The following TOP2B variants were observed in gnomAD, a reference collection of about 807,000 sequenced individuals.
The protein encoded by TOP2B is DNA topoisomerase II beta, also known as DNA topoisomerase 2-beta.
A neutral mutation model predicts 193.5 loss-of-function variants in TOP2B; 51 were observed. The ratio of observed to expected loss-of-function variants is 0.26; its 90% CI spans 0.21 to 0.33. The LOEUF (loss-of-function observed/expected upper bound fraction) is 0.33. TOP2B is among the 10% of genes least tolerant of loss of function. The pLI is 1.00. For missense variants in TOP2B, 1,378 were observed against 1,909.3 expected (o/e 0.72, Z 5.19); for synonymous variants, 634 against 635.7 (o/e 1.00, Z 0.04).
intron 6 of TOP2B, among the ~76,000 whole-genome samples, chr3:25,636,457 G>A (rs149919762): frequency 3.6e-4 from 55 of 152,134 alleles, no homozygotes; most frequent in Non-Finnish European, 6.6e-4. Context: ...CATATTATAA[G>A]TAATCTAGAG....
chr3:25,645,511 G>A (rs1268123417), intron 1 of TOP2B, 41 bp from the exon 2 acceptor site: 2 of 1,510,210 alleles, frequency 1.3e-6, no homozygotes, highest in East Asian at 2.3e-5. Context: ...AACCTACCAA[G>A]GGGTAGACAA....
chr3:25,633,435 C>A (rs1703017179), intron 8 of TOP2B, among the ~76,000 whole-genome samples: 1 of 152,122 alleles, frequency 6.6e-6, no homozygotes, highest in Non-Finnish European at 1.5e-5. Flanking sequence ...TATTCACCAA[C>A]CTAGGAGTTC....
intron 35 of TOP2B, among the ~76,000 whole-genome samples, chr3:25,599,148 T>C (rs1702018697): frequency 6.6e-6 from 1 of 152,140 alleles, no homozygotes; most frequent in Non-Finnish European, 1.5e-5. Flanking sequence ...TGAAAAATAA[T>C]ATTTTAGTCT....
intron 1 of TOP2B, among the ~76,000 whole-genome samples, chr3:25,656,141 C>T (rs1024222165): frequency 5.9e-5 from 9 of 151,936 alleles, no homozygotes; most frequent in African/African-American, 2.2e-4. Context: ...GAATGTGTGA[C>T]AATACACTTT....
intron 1 of TOP2B, among the ~76,000 whole-genome samples, chr3:25,650,623 T>C (rs568932856): frequency 6.6e-6 from 1 of 152,342 alleles, no homozygotes; most frequent in African/African-American, 2.4e-5. Flanking sequence ...CATATAGAAT[T>C]GTGGAAGCTG....
chr3:25,651,861 T>C (rs2125404271), intron 1 of TOP2B, among the ~76,000 whole-genome samples: 1 of 146,706 alleles, frequency 6.8e-6, no homozygotes, highest in South Asian at 2.1e-4. Flanking sequence ...GGAGATTGTG[T>C]CTCAAAAAAA....
Position 25,598,124 on chromosome 3 carries a change from G to T in TOP2B, c.*183C>A. The T allele has an allele frequency of 5.5e-6, 3 of 549,382 alleles. No homozygotes were observed. The highest frequency in any genetic ancestry group is 9.2e-6 in the Non-Finnish European group (3 of 325,630). The allele number at this position is 549,382 out of a possible 1,614,324, so 34.0% of individuals were successfully genotyped here. A position where few individuals can be genotyped will look rare whatever the true frequency, so the allele number is the denominator to read the frequency against. ...ATCAGACAGTACGTGACATTTCAAT[G>T]AGTAAAAAAGAGCATAAAACTGTAT... On this transcript the variant is annotated 3_prime_UTR_variant, in exon 36 of 36. Transcript: ENST00000264331.
intron 1 of TOP2B, among the ~76,000 whole-genome samples, chr3:25,661,909 T>C (rs59134881): frequency 0.36 from 54,435 of 152,068 alleles, 10,467 homozygotes; most frequent in African/African-American, 0.5. Context: ...TTTATTTCTT[T>C]CTGTTACCAC....
At chr3:25,634,997 G>A (rs1330438868) in intron 7 of TOP2B, among the ~76,000 whole-genome samples, 1 of 151,952 alleles carries the variant, frequency 6.6e-6, no homozygotes, top group East Asian at 1.9e-4. Flanking sequence ...GATGTAATGA[G>A]ACATTAGAGA....
chr3:25,633,227 AC>A (rs1216884822), intron 8 of TOP2B, among the ~76,000 whole-genome samples: 1 of 152,108 alleles, frequency 6.6e-6, no homozygotes, highest in African/African-American at 2.4e-5. Context: ...CGAACCTATG[AC>A]CCACTCCTCA....
At chr3:25,654,213 C>G (rs1703679637) in intron 1 of TOP2B, among the ~76,000 whole-genome samples, 1 of 152,118 alleles carries the variant, frequency 6.6e-6, no homozygotes, top group Non-Finnish European at 1.5e-5. Context: ...AAAGATTCCA[C>G]AGAAAAACTA....
At chr3:25,602,072 T>TAAAAAAAAAAAAAAACC (rs1702108921) in intron 33 of TOP2B, among the ~76,000 whole-genome samples, 2 of 152,148 alleles carry the variant, frequency 1.3e-5, no homozygotes, top group Admixed American at 1.3e-4. Flanking sequence ...AGACCTTGTT[T>TAAAAAAAAAAAAAAACC]TACAGCTTTA....
At chr3:25,648,022 G>A (rs1041371308) in intron 1 of TOP2B, among the ~76,000 whole-genome samples, 1 of 151,986 alleles carries the variant, frequency 6.6e-6, no homozygotes, top group African/African-American at 2.4e-5. Flanking sequence ...AGGCAAGATT[G>A]AGAAAAACAA....
chr3:25,633,804 T>C, intron 8 of TOP2B, 37 bp downstream of exon 8: 1 of 1,561,540 alleles, frequency 6.4e-7, no homozygotes, highest in Non-Finnish European at 8.7e-7. Context: ...AGTACTGTTC[T>C]ACCACTGACT....
chr3:25,626,908 A>T, intron 16 of TOP2B, 44 bp from the exon 17 acceptor site: 1 of 1,169,062 alleles, frequency 8.6e-7, no homozygotes, highest in Non-Finnish European at 1.2e-6. Flanking sequence ...AAAATAAAAT[A>T]AATTTTATTA....
chr3:25,643,560 T>A (rs1352000338), intron 3 of TOP2B, 134 bp downstream of exon 3: 1 of 627,388 alleles, frequency 1.6e-6, no homozygotes, highest in Middle Eastern at 3.4e-4. Context: ...TTTCTGAAGA[T>A]CATTTATATT....
chr3:25,641,542 A>C (rs554584000), intron 4 of TOP2B, among the ~76,000 whole-genome samples: 4 of 152,130 alleles, frequency 2.6e-5, no homozygotes, highest in Non-Finnish European at 5.9e-5. Context: ...TGGAGAAAAA[A>C]ATAAATAATC....
At position 25,638,992 on chromosome 3, in the gene TOP2B, A is replaced by G. The variant is rs562787422; in HGVS notation, c.396-682T>C. 2.6e-5 allele frequency among the ~76,000 whole-genome samples: 4 copies of G among 152,326 alleles called. No individual in the cohort carries two copies. In the East Asian group the frequency reaches 5.8e-4, roughly 22 times the overall value. ...AAAAAATTGAAAATCTAAATATCCAATGCTTATCAGTTGGCAAGAGGTTAA... is the reference window on the plus strand; with the variant it reads ...AAAAAATTGAAAATCTAAATATCCAGTGCTTATCAGTTGGCAAGAGGTTAA... On this transcript the variant is annotated intron_variant, in intron 4 of 35. Transcript: ENST00000264331.
Position 25,604,757 on chromosome 3 carries a change from T to C in TOP2B, c.4489+3A>G, listed in dbSNP as rs1197657996. 1.9e-6 allele frequency: 3 copies of C among 1,602,084 alleles called. No homozygotes were observed. The South Asian group carries it at 3.3e-5, about 18-fold the overall frequency. ...CTTAACTCAATCAAATATAAGTACA[T>C]ACCCTTTTTAGCAGCTACCGTTTTA... On this transcript the variant is annotated splice_donor_region_variant and intron_variant, in intron 33 of 35. Coordinates refer to ENST00000264331, the MANE Select transcript of TOP2B (RefSeq NM_001330700.2).
Sources: allele counts gnomAD v4.1 joint callset (sites outside exome capture counted in the v4.1 genomes callset), GRCh38; gene constraint gnomAD v4.1.1; transcripts MANE v1.5; gene names NCBI Gene and HGNC (gene_info 2026-07-23, HGNC 2026-07-21).